C7: variants seen among roughly 807,000 people sequenced by gnomAD.
C7 encodes the protein complement C7.
Under a neutral mutation model 104.8 loss-of-function variants are expected in C7, and 83 were observed. The ratio of observed to expected loss-of-function variants is 0.79; its 90% CI spans 0.66 to 0.95. C7 has a LOEUF of 0.95. Ranked by LOEUF, C7 falls within the 40% of genes least tolerant of loss-of-function variation. The pLI is 0.00. For synonymous variants in C7, 415 were observed against 360.6 expected (o/e 1.15, Z -1.71); for missense variants, 1,070 against 1,011.2 (o/e 1.06, Z -0.79).
intron 14 of C7, among the ~76,000 whole-genome samples, chr5:40,969,242 C>T (rs904965669): frequency 6.5e-5 from 9 of 139,060 alleles, no homozygotes; most frequent in Admixed American, 6.3e-4. Context: ...TAAATAACAT[C>T]AATTACTTCA....
chr5:40,969,636 C>T (rs1000248954), intron 14 of C7, among the ~76,000 whole-genome samples: 1 of 152,096 alleles, frequency 6.6e-6, no homozygotes, highest in African/African-American at 2.4e-5. Context: ...GGCTTTCTAC[C>T]TGGCCCCTTC....
chr5:40,911,929 T>A (rs1279512828), intron 1 of C7, among the ~76,000 whole-genome samples: 1 of 150,768 alleles, frequency 6.6e-6, no homozygotes, highest in Non-Finnish European at 1.5e-5. Flanking sequence ...TTTTTTTTTT[T>A]AGTAAAGATG....
Position 40,972,511 on chromosome 5 carries a change from C to T in C7, c.1991C>T (p.Ser664Phe), listed in dbSNP as rs758903222. The change falls in exon 15 of 18, where the codon TCC becomes TTC. Residue 664 changes from serine (S) to phenylalanine (F), a missense_variant. By Grantham distance (155) the Ser-to-Phe change is radical. Transcript: ENST00000313164. The stretch of plus-strand genomic sequence containing the variant: ...ACTGTTTCCTGTTCAGGTGGCATGT[C>T]CTTAGAAGGTCCTTCAGCATTTCTC... ...KVTVSCSGGMSLEGPSAFLCG... is the reference protein window; with the variant it reads ...KVTVSCSGGMFLEGPSAFLCG... The T allele has an allele frequency of 3.7e-6, 6 of 1,613,738 alleles. No individual in the cohort carries two copies. In the Admixed American group the frequency reaches 6.7e-5, roughly 18 times the overall value.
intron 14 of C7, among the ~76,000 whole-genome samples, chr5:40,965,643 TATA>T (rs1561255883): frequency 8.9e-5 from 7 of 79,040 alleles, no homozygotes; most frequent in Non-Finnish European, 1.4e-4. Flanking sequence ...TATATATATA[TATA>T]TATTTTTTTT....
chr5:40,926,700 A>G (rs1278843611), intron 1 of C7, among the ~76,000 whole-genome samples: 2 of 152,216 alleles, frequency 1.3e-5, no homozygotes, highest in East Asian at 3.8e-4. Flanking sequence ...TTAACCAAGA[A>G]AGTTAAAGAC....
chr5:40,978,649 A>G (rs1410779517), intron 16 of C7, among the ~76,000 whole-genome samples: 1 of 152,168 alleles, frequency 6.6e-6, no homozygotes, highest in Admixed American at 6.6e-5. Context: ...TTGGTAGAAA[A>G]GGAAAATATT....
rs182329562 is a variant in C7, at chr5:40,972,505, G to T, written c.1985G>T (p.Gly662Val). The change falls in exon 15 of 18, where the codon GGC (glycine) becomes GTC (valine). Residue 662 changes from glycine to valine, a missense_variant. Physicochemically the swap from Gly to Val is moderately radical, Grantham distance 109. Coordinates refer to ENST00000313164, the MANE Select transcript of C7 (RefSeq NM_000587.4). ...AAGGTGACTGTTTCCTGTTCAGGTG[G>T]CATGTCCTTAGAAGGTCCTTCAGCA... ...GEKVTVSCSGGMSLEGPSAFL... is the reference protein window; with the variant it reads ...GEKVTVSCSGVMSLEGPSAFL... 1 of 1,613,818 alleles carries T rather than the reference G, an allele frequency of 6.2e-7. No individual in the cohort carries two copies. The highest frequency in any genetic ancestry group is 8.5e-7 in the Non-Finnish European group (1 of 1,179,754).
chr5:40,953,584 T>C (rs376184450), intron 9 of C7, among the ~76,000 whole-genome samples: 3 of 135,690 alleles, frequency 2.2e-5, no homozygotes, highest in Non-Finnish European at 4.5e-5. Flanking sequence ...GAGGTTGCAG[T>C]GAGCTGAGAT....
chr5:40,920,536 TAAAAA>T (rs555616278), intron 1 of C7, among the ~76,000 whole-genome samples: 2 of 121,730 alleles, frequency 1.6e-5, no homozygotes, highest in Non-Finnish European at 3.5e-5. Flanking sequence ...GTTCTCCCAT[TAAAAA>T]AAAAAAAAAA....
At chr5:40,946,568 G>A (rs748386934) in intron 7 of C7, among the ~76,000 whole-genome samples, 31 of 152,172 alleles carry the variant, frequency 2.0e-4, no homozygotes, top group Non-Finnish European at 3.4e-4. Flanking sequence ...TGCTTAGGAA[G>A]TGTTTAAAAG....
intron 14 of C7, among the ~76,000 whole-genome samples, chr5:40,966,674 G>GCCT (rs1407277387): frequency 6.6e-6 from 1 of 152,102 alleles, no homozygotes; most frequent in Non-Finnish European, 1.5e-5. Context: ...ACCATGCCTG[G>GCCT]CACAATATTT....
chr5:40,912,801 A>T (rs2111604991), intron 1 of C7, among the ~76,000 whole-genome samples: 1 of 152,240 alleles, frequency 6.6e-6, no homozygotes, highest in Middle Eastern at 3.4e-3. Flanking sequence ...TTATTCATTT[A>T]GTTATTTTAT....
chr5:40,919,116 T>C (rs187470253), intron 1 of C7, among the ~76,000 whole-genome samples: 1 of 147,228 alleles, frequency 6.8e-6, no homozygotes, highest in East Asian at 2.0e-4. Context: ...ATTGAAATTA[T>C]ATCAAGTATC....
At chr5:40,937,768 G>A in intron 6 of C7, 78 bp downstream of exon 6, 1 of 1,232,490 alleles carries the variant, frequency 8.1e-7, no homozygotes, top group Non-Finnish European at 1.1e-6. Context: ...TTACGTATTT[G>A]TTGAGAATTT....
intron 14 of C7, among the ~76,000 whole-genome samples, chr5:40,968,868 T>C (rs908612216): frequency 2.0e-5 from 3 of 151,598 alleles, no homozygotes; most frequent in Non-Finnish European, 4.4e-5. Context: ...TGCTTCAGTC[T>C]CCCAAAGTGC....
Position 40,947,769 on chromosome 5 carries a change from T to C in C7, c.906T>C (p.His302=), listed in dbSNP as rs748370542. The C allele has an allele frequency of 5.6e-6, 9 of 1,613,518 alleles. No individual in the cohort carries two copies. Among genetic ancestry groups the C allele is most frequent in the Non-Finnish European group, 7.6e-6 (9 of 1,179,634 alleles). Residue 302 remains histidine, a synonymous_variant, in exon 8 of 18, where the codon CAT becomes CAC. Coordinates refer to ENST00000313164, the MANE Select transcript of C7 (RefSeq NM_000587.4). Reference sequence around the variant, plus strand: ...GATTAATCGACCAGTACGGGACACATTATCTGCAATCTGGGTCGTTAGGAG... The same window carrying C: ...GATTAATCGACCAGTACGGGACACACTATCTGCAATCTGGGTCGTTAGGAG... ...YRRLIDQYGT[H]YLQSGSLGGE...
At chr5:40,972,370 C>G (rs570260882) in intron 14 of C7, 33 bp from the exon 15 acceptor site, 1 of 1,578,268 alleles carries the variant, frequency 6.3e-7, no homozygotes, top group African/African-American at 1.3e-5. Flanking sequence ...AGGAGAGCAA[C>G]GACCCTTATA....
rs1157790232 is a variant in C7, at chr5:40,958,197, C to G, written c.1425C>G (p.Cys475Trp). ...CTGTTGAGGGGACCCATTGTCTGTG[C>G]CATTGCAAACCGTACACATTTGGTG... ...LATVEGTHCL[C>W]HCKPYTFGAA... The change falls in exon 11 of 18, where the codon TGC (cysteine) becomes TGG (tryptophan). Residue 475 changes from cysteine to tryptophan, a missense_variant. Cys to Trp is a radical substitution (Grantham distance 215, BLOSUM62 -2). Coordinates refer to ENST00000313164, the MANE Select transcript of C7 (RefSeq NM_000587.4). The G allele has an allele frequency of 2.0e-5, 33 of 1,613,442 alleles. No homozygotes were observed. The highest frequency in any genetic ancestry group is 2.4e-5 in the Non-Finnish European group (28 of 1,179,636).
In C7 at chr5:40,955,703, C is replaced by T. The variant is rs991359710; in HGVS notation, c.1260+150C>T. ...TATATTTTGTAGAGTAAAATGAATG[C>T]ACACATAATAATAAGAAACAGAAGG... On this transcript the variant is annotated intron_variant, in intron 10 of 17. Transcript: ENST00000313164. 6.2e-5 allele frequency: 38 copies of T among 612,902 alleles called. No homozygotes were observed. In the Middle Eastern group the frequency reaches 1.2e-3, roughly 20 times the overall value. The allele number at this position is 612,902 out of a possible 1,614,324, so 38.0% of individuals were successfully genotyped here.
Sources: gnomAD v4.1 joint callset for allele counts (sites outside exome capture counted in the v4.1 genomes callset) on GRCh38, gnomAD v4.1.1 for gene constraint, MANE v1.5 for transcripts, NCBI Gene and HGNC (gene_info 2026-07-23, HGNC 2026-07-21) for gene names.